The following ZNF184 variants were observed in gnomAD, a reference collection of about 807,000 sequenced individuals.
ZNF184 encodes zinc finger protein 184 (Kruppel-like).
In ZNF184, 16 loss-of-function variants were observed where a neutral mutation model predicts 54.4. The ratio of observed to expected loss-of-function variants is 0.29; its 90% CI spans 0.20 to 0.45. ZNF184 has a LOEUF of 0.45. Among genes scored for constraint, ZNF184 ranks in the 20% least tolerant of loss-of-function variants. The pLI, the probability that ZNF184 is intolerant of heterozygous loss-of-function variation, is 1.00. For missense variants in ZNF184, 681 were observed against 888.2 expected (o/e 0.77, Z 2.97); for synonymous variants, 254 against 295.3 (o/e 0.86, Z 1.43).
At chr6:27,432,276 G>T in the ZNF184 span, among the ~76,000 whole-genome samples, 1 of 152,222 alleles carries the variant, frequency 6.6e-6, no homozygotes, top group Non-Finnish European at 1.5e-5. The surrounding 1 kb of genome is among the most constrained non-coding windows in gnomAD (Gnocchi z 4.0). Context: ...TTGTAGAAAA[G>T]ACGTGAAAGT....
intron 2 of ZNF184, among the ~76,000 whole-genome samples, chr6:27,470,538 G>A (rs1056407144): frequency 2.0e-5 from 3 of 152,130 alleles, no homozygotes; most frequent in Non-Finnish European, 4.4e-5. Context: ...TTTTGTAACA[G>A]AAGTCTTAAG....
the ZNF184 span, among the ~76,000 whole-genome samples, chr6:27,418,385 G>A: frequency 3.1e-3 from 476 of 152,336 alleles, 4 homozygotes; most frequent in Middle Eastern, 0.02. Flanking sequence ...TTGGCTCCAT[G>A]ATGACCATCT....
chr6:27,424,561 G>A, the ZNF184 span, among the ~76,000 whole-genome samples: 1 of 152,160 alleles, frequency 6.6e-6, no homozygotes, highest in African/African-American at 2.4e-5. Flanking sequence ...GGACACAAAG[G>A]TTCTCCAAGG....
the ZNF184 span, among the ~76,000 whole-genome samples, chr6:27,431,545 G>C: frequency 6.6e-6 from 1 of 152,082 alleles, no homozygotes; most frequent in Non-Finnish European, 1.5e-5. Context: ...TTTTTTCTCA[G>C]CATTAACTTA....
intron 2 of ZNF184, among the ~76,000 whole-genome samples, chr6:27,471,687 TGAG>T (rs71852449): frequency 0.029 from 4,439 of 152,316 alleles, 67 homozygotes; most frequent in Non-Finnish European, 0.032. Context: ...AAAGAATTTA[TGAG>T]GAGGAGTTGT....
At chr6:27,408,368 G>A in the ZNF184 span, among the ~76,000 whole-genome samples, 4 of 151,766 alleles carry the variant, frequency 2.6e-5, no homozygotes, top group East Asian at 1.9e-4. Context: ...CCAATTGGAC[G>A]TTTTTCAGTA....
rs1460056264 is a variant in ZNF184, at chr6:27,472,989, CT to C, written c.-401del. ...TGGTGATACCTGAGCTCCCCTCCCC[CT>C]ATAGCGATCCACACACTCTGATCCC... On this transcript the variant is annotated 5_prime_UTR_variant, in exon 1 of 6. The change creates a new upstream start codon in the 5' untranslated region. Transcript: ENST00000683788. The surrounding 1 kb of genome is among the most constrained non-coding windows in gnomAD (Gnocchi z 4.8). 1 of 152,428 alleles carries C rather than the reference CT, an allele frequency of 6.6e-6. No homozygotes were observed. Among genetic ancestry groups the C allele is most frequent in the Non-Finnish European group, 1.5e-5 (1 of 68,228 alleles). 9.4% of individuals were successfully genotyped at this position (152,428 alleles called of 1,614,324 possible).
chr6:27,464,971 C>T lies in ZNF184; in HGVS notation c.75+2882G>A, dbSNP rs370376349. Among the ~76,000 whole-genome samples, 62 of 143,518 alleles carry T rather than the reference C, an allele frequency of 4.3e-4. 1 individual carries two copies. Among genetic ancestry groups the T allele is most frequent in the African/African-American group, 1.5e-3 (58 of 37,722 alleles). 94.2% of individuals were successfully genotyped at this position (143,518 alleles called of 152,430 possible). On this transcript the variant is annotated intron_variant, in intron 3 of 5. Coordinates refer to ENST00000683788, the MANE Select transcript of ZNF184 (RefSeq NM_001318891.2). ...GGCGGAGCTTGCAGTGAGCCGAGAT[C>T]GCCCCACTGCACTCCAGGCTGGGCG...
downstream of ZNF184, chr6:27,450,659 A>C (rs1762691807): frequency 1.3e-5 from 2 of 151,974 alleles, no homozygotes; most frequent in Admixed American, 1.3e-4. Context: ...TCCAATATGC[A>C]ACCAGGGTAA....
the ZNF184 span, among the ~76,000 whole-genome samples, chr6:27,425,200 G>C: frequency 6.6e-6 from 1 of 152,214 alleles, no homozygotes; most frequent in Non-Finnish European, 1.5e-5. Flanking sequence ...GTTCCCGCTC[G>C]CGCCTCTCCC....
the ZNF184 span, among the ~76,000 whole-genome samples, chr6:27,416,752 A>G: frequency 6.6e-5 from 10 of 152,324 alleles, no homozygotes; most frequent in Non-Finnish European, 1.0e-4. Context: ...GACCCCTGCT[A>G]TAAGAGTTTC....
chr6:27,470,347 T>C (rs1763244577), intron 2 of ZNF184, among the ~76,000 whole-genome samples: 1 of 151,944 alleles, frequency 6.6e-6, no homozygotes, highest in East Asian at 1.9e-4. Flanking sequence ...GTGGGGGTGA[T>C]GAATAATATG....
At position 27,451,824 on chromosome 6, in the gene ZNF184, T is replaced by C; in HGVS notation, c.1735A>G (p.Ile579Val). Residue 579 changes from isoleucine (I) to valine (V), a missense_variant, in exon 6 of 6, where the codon ATC becomes GTC. Coordinates refer to ENST00000683788, the MANE Select transcript of ZNF184 (RefSeq NM_001318891.2). Reference sequence around the variant, plus strand: ...TTGTAAGGTCGTTCTCCAGTATGGATCTTCCTATGCTGAATAAGGGATGAA... The same window carrying C: ...TTGTAAGGTCGTTCTCCAGTATGGACCTTCCTATGCTGAATAAGGGATGAA... ...YGSSLIQHRK[I>V]HTGERPYKCN... 2 of 1,613,560 alleles carry C rather than the reference T, an allele frequency of 1.2e-6. No individual in the cohort carries two copies. The highest frequency in any genetic ancestry group is 1.1e-5 in the South Asian group (1 of 91,082).
Position 27,451,297 on chromosome 6 carries a change from G to A in ZNF184, c.*6C>T. On this transcript the variant is annotated 3_prime_UTR_variant, in exon 6 of 6. Transcript: ENST00000683788. ...CTCCCCTAAATTTATGATGTTCCTAGAATTGTCATATGCCAGGATGCAGTC... is the reference window on the plus strand; with the variant it reads ...CTCCCCTAAATTTATGATGTTCCTAAAATTGTCATATGCCAGGATGCAGTC... 6.3e-7 allele frequency: 1 copy of A among 1,575,346 alleles called. No individual in the cohort carries two copies. The highest frequency in any genetic ancestry group is 8.6e-7 in the Non-Finnish European group (1 of 1,161,748).
At chr6:27,427,887 G>T in the ZNF184 span, among the ~76,000 whole-genome samples, 1 of 152,102 alleles carries the variant, frequency 6.6e-6, no homozygotes, top group Non-Finnish European at 1.5e-5. Flanking sequence ...TAAAAAGTCT[G>T]GTAAATGCCA....
the ZNF184 span, among the ~76,000 whole-genome samples, chr6:27,435,698 G>T: frequency 6.6e-6 from 1 of 152,104 alleles, no homozygotes; most frequent in Non-Finnish European, 1.5e-5. Flanking sequence ...ATGATTTTAT[G>T]TTGCATGACC....
chr6:27,414,559 A>G, the ZNF184 span, among the ~76,000 whole-genome samples: 1 of 151,902 alleles, frequency 6.6e-6, no homozygotes, highest in Non-Finnish European at 1.5e-5. Flanking sequence ...GAACTTTCAC[A>G]TACGCTATTC....
intron 5 of ZNF184, 78 bp downstream of exon 5, chr6:27,456,748 A>C (rs529169343): frequency 3.6e-5 from 45 of 1,235,730 alleles, no homozygotes; most frequent in Non-Finnish European, 5.3e-5. Context: ...GTACATCTAC[A>C]CTTCAGACAT....
chr6:27,460,347 T>G (rs72845232), intron 3 of ZNF184, among the ~76,000 whole-genome samples: 7,431 of 152,270 alleles, frequency 0.049, 260 homozygotes, highest in Non-Finnish European at 0.073. Flanking sequence ...ACTATAAATA[T>G]ATTAAATCAT....
Sources: allele counts gnomAD v4.1 joint callset (sites outside exome capture counted in the v4.1 genomes callset), GRCh38; gene constraint gnomAD v4.1.1; non-coding constraint Gnocchi (gnomAD v3.1); transcripts MANE v1.5; gene names NCBI Gene and HGNC (gene_info 2026-07-23, HGNC 2026-07-21).